Variants in ATXN7 observed in about 807,000 individuals in gnomAD.
ATXN7 encodes the protein ataxin 7.
A neutral mutation model predicts 70.5 loss-of-function variants in ATXN7; 12 were observed. That is an observed-to-expected ratio of 0.17 (90% confidence interval 0.11 to 0.28). The LOEUF is 0.28. Among genes scored for constraint, ATXN7 ranks in the 10% least tolerant of loss-of-function variants. The pLI, the probability that ATXN7 is intolerant of heterozygous loss-of-function variation, is 1.00. For missense variants in ATXN7, 1,256 were observed against 1,131.7 expected (o/e 1.11, Z -1.58); for synonymous variants, 498 against 448.7 (o/e 1.11, Z -1.39).
At chr3:63,931,567 C>A (rs1704964212) in intron 4 of ATXN7, among the ~76,000 whole-genome samples, 1 of 152,108 alleles carries the variant, frequency 6.6e-6, no homozygotes, top group Non-Finnish European at 1.5e-5. Context: ...CAGGTCTGAT[C>A]CAGTGTTCTC....
intron 4 of ATXN7, among the ~76,000 whole-genome samples, chr3:63,944,467 T>C (rs1028643945): frequency 6.6e-6 from 1 of 152,220 alleles, no homozygotes; most frequent in Non-Finnish European, 1.5e-5. Flanking sequence ...GGACAGGTAG[T>C]GTAGACAGTG....
Position 63,988,204 on chromosome 3 carries a change from C to T in ATXN7, c.1241C>T (p.Pro414Leu), listed in dbSNP as rs752156778. 1.0e-4 allele frequency: 166 copies of T among 1,614,000 alleles called. 1 individual carries two copies. In the East Asian group the frequency reaches 3.4e-3, roughly 33 times the overall value. ...CAACCACCGCAGCCTCTCAGGGACC[C>T]GCATCCCGCCCCTCCTAGAACGTCA... is the stretch of plus-strand genomic sequence containing the variant. The part of the protein sequence containing the change: ...SQQPPQPLRD[P>L]HPAPPRTSQE... Residue 414 changes from proline (P) to leucine (L), a missense_variant, in exon 9 of 13, where the codon CCG becomes CTG. By Grantham distance (98) the Pro-to-Leu change is moderately conservative (BLOSUM62 -3). Coordinates refer to ENST00000674280, the MANE Select transcript of ATXN7 (RefSeq NM_001377405.1).
intron 4 of ATXN7, among the ~76,000 whole-genome samples, chr3:63,924,277 A>G (rs910204739): frequency 2.6e-5 from 4 of 152,184 alleles, no homozygotes; most frequent in Admixed American, 2.6e-4. Context: ...TTTTGGCCAC[A>G]CTGCTTTTGA....
intron 7 of ATXN7, among the ~76,000 whole-genome samples, 178 bp downstream of exon 7, chr3:63,982,623 A>AGT (rs71099784): frequency 0.081 from 11,563 of 143,194 alleles, 423 homozygotes; most frequent in Non-Finnish European, 0.092. Context: ...AAAGAGCATG[A>AGT]GTGTGTGTGT....
chr3:63,986,311 A>G (rs749084337), intron 8 of ATXN7, among the ~76,000 whole-genome samples: 55 of 152,190 alleles, frequency 3.6e-4, no homozygotes, highest in Non-Finnish European at 7.5e-4. Context: ...TTATCCTGTG[A>G]GCCTTGGGCA....
At chr3:63,887,718 A>T (rs113351563) in intron 1 of ATXN7, among the ~76,000 whole-genome samples, 3,969 of 152,016 alleles carry the variant, frequency 0.026, 161 homozygotes, top group African/African-American at 0.089. Flanking sequence ...CCCAAGTAGC[A>T]GGGACTACAG....
At position 63,995,691 on chromosome 3, in the gene ATXN7, C is replaced by A. The variant is rs1576005264; in HGVS notation, c.1869C>A (p.Thr623=). Residue 623 remains threonine (T), a synonymous_variant, in exon 12 of 13, where the codon ACC becomes ACA. Transcript: ENST00000674280. ...PNSKSVPAHG[T]TLNAQPAASG... ...GCAAATCGGTACCAGCTCATGGAAC[C>A]ACACTAAATGCACAGCCTGCTGCTT... 6.2e-7 allele frequency: 1 copy of A among 1,614,114 alleles called. No homozygotes were observed. The highest frequency in any genetic ancestry group is 1.3e-5 in the African/African-American group (1 of 74,942).
At chr3:63,929,147 T>A (rs560761121) in intron 4 of ATXN7, among the ~76,000 whole-genome samples, 1 of 152,158 alleles carries the variant, frequency 6.6e-6, no homozygotes, top group East Asian at 1.9e-4. Flanking sequence ...GCGTATTTAT[T>A]ACCCACTTAG....
At chr3:63,880,838 T>C (rs1336506966) in intron 1 of ATXN7, among the ~76,000 whole-genome samples, 1 of 152,228 alleles carries the variant, frequency 6.6e-6, no homozygotes, top group Admixed American at 6.5e-5. Context: ...GTTTTATGGC[T>C]TTCTTTCCTA....
At chr3:63,904,432 A>C (rs1015065178) in intron 2 of ATXN7, 1 of 152,198 alleles carries the variant, frequency 6.6e-6, no homozygotes, top group Non-Finnish European at 1.5e-5. Flanking sequence ...AGCTGGGATT[A>C]TAGGCGTGCA....
intron 1 of ATXN7, among the ~76,000 whole-genome samples, chr3:63,883,806 G>C (rs1702991874): frequency 6.6e-6 from 1 of 151,948 alleles, no homozygotes; most frequent in African/African-American, 2.4e-5. Flanking sequence ...TAGCAAACAA[G>C]TAGCATTTAA....
intron 5 of ATXN7, 150 bp from the exon 6 acceptor site, chr3:63,979,765 A>T: frequency 1.0e-6 from 1 of 1,002,388 alleles, no homozygotes; most frequent in Non-Finnish European, 1.4e-6. Flanking sequence ...GGCCTAGATG[A>T]GCCATTTCTG....
At chr3:63,945,517 G>T (rs1399658288) in intron 4 of ATXN7, among the ~76,000 whole-genome samples, 1 of 152,216 alleles carries the variant, frequency 6.6e-6, no homozygotes, top group African/African-American at 2.4e-5. Context: ...ATGACCATGT[G>T]TCACTAAATG....
At chr3:63,935,583 T>C (rs546436314) in intron 4 of ATXN7, among the ~76,000 whole-genome samples, 144 of 152,266 alleles carry the variant, frequency 9.5e-4, no homozygotes, top group Admixed American at 2.4e-3. Flanking sequence ...TGCCTTTTTT[T>C]CCCCAGTAGT....
chr3:63,957,005 A>C (rs2075050969), intron 5 of ATXN7, among the ~76,000 whole-genome samples: 1 of 152,132 alleles, frequency 6.6e-6, no homozygotes, highest in African/African-American at 2.4e-5. Flanking sequence ...AATAGCATAA[A>C]CTGTGTAGTA....
intron 10 of ATXN7, 23 bp from the exon 11 acceptor site, chr3:63,990,715 C>T (rs372056728): frequency 6.2e-6 from 10 of 1,613,966 alleles, no homozygotes; most frequent in African/African-American, 2.7e-5. Context: ...TCAGCAAGCA[C>T]GCGGCTATGT....
chr3:63,863,617 C>T (rs2107178404), upstream of ATXN7: 1 of 1,196,212 alleles, frequency 8.4e-7, no homozygotes, highest in Non-Finnish European at 1.0e-6. Context: ...CGGGGAGGCC[C>T]GGGGCTCCGG....
intron 4 of ATXN7, among the ~76,000 whole-genome samples, chr3:63,919,187 A>G (rs1354051225): frequency 3.3e-5 from 5 of 152,364 alleles, no homozygotes; most frequent in South Asian, 2.1e-4. Context: ...GTCAGTGTCC[A>G]TAACTAAATT....
intron 4 of ATXN7, among the ~76,000 whole-genome samples, chr3:63,938,485 A>G (rs2074702013): frequency 6.6e-6 from 1 of 152,146 alleles, no homozygotes; most frequent in African/African-American, 2.4e-5. Flanking sequence ...TGCCTTACAA[A>G]TCTCTCCCCT....
Sources: gnomAD v4.1 joint callset for allele counts (sites outside exome capture counted in the v4.1 genomes callset) on GRCh38, gnomAD v4.1.1 for gene constraint, MANE v1.5 for transcripts, NCBI Gene and HGNC (gene_info 2026-07-23, HGNC 2026-07-21) for gene names.